PRKAR2B: variants seen among roughly 807,000 people sequenced by gnomAD.
PRKAR2B encodes cAMP-dependent protein kinase type II-beta regulatory subunit.
A neutral mutation model predicts 49.9 loss-of-function variants in PRKAR2B; 14 were observed. The observed-to-expected ratio is 0.28, with a 90% CI of 0.19 to 0.44. The LOEUF (loss-of-function observed/expected upper bound fraction) is 0.44, where lower values mean the gene tolerates loss of function less well. PRKAR2B is among the 20% of genes least tolerant of loss of function. The pLI, the probability that PRKAR2B is intolerant of heterozygous loss-of-function variation, is 1.00. For synonymous variants in PRKAR2B, 196 were observed against 197.7 expected (o/e 0.99, Z 0.07); for missense variants, 393 against 537.9 (o/e 0.73, Z 2.67).
intron 2 of PRKAR2B, among the ~76,000 whole-genome samples, chr7:107,098,276 T>C (rs1394210697): frequency 6.6e-6 from 1 of 152,228 alleles, no homozygotes; most frequent in African/African-American, 2.4e-5. Context: ...CAGTCACTGA[T>C]ACCCTTTCTT....
At chr7:107,111,659 A>G (rs1286844483) in intron 2 of PRKAR2B, among the ~76,000 whole-genome samples, 2 of 152,214 alleles carry the variant, frequency 1.3e-5, no homozygotes, top group Non-Finnish European at 2.9e-5. Context: ...TATCAGTAGT[A>G]TATATGAATA....
chr7:107,124,730 G>A (rs1379279133), intron 3 of PRKAR2B, among the ~76,000 whole-genome samples: 1 of 151,792 alleles, frequency 6.6e-6, no homozygotes, highest in East Asian at 1.9e-4. Flanking sequence ...GATATACAGT[G>A]TTCTTTAAAG....
In PRKAR2B at chr7:107,044,817, C is replaced by T; in HGVS notation, c.-91C>T. On this transcript the variant is annotated 5_prime_UTR_variant, in exon 1 of 11. Transcript: ENST00000265717. ...CTCGCAGCCGGTAGCGCGCCAGCGCCGTAGGCGCTCGCTCGGCAGCCGCGG... is the reference window on the plus strand; with the variant it reads ...CTCGCAGCCGGTAGCGCGCCAGCGCTGTAGGCGCTCGCTCGGCAGCCGCGG... 1 of 1,083,546 alleles carries T rather than the reference C, an allele frequency of 9.2e-7. No individual in the cohort carries two copies. The highest frequency in any genetic ancestry group is 1.2e-6 in the Non-Finnish European group (1 of 847,148). 67.1% of individuals were successfully genotyped at this position (1,083,546 alleles called of 1,614,324 possible). A position where few individuals can be genotyped will look rare whatever the true frequency, so the allele number is the denominator to read the frequency against.
At chr7:107,126,749 G>C (rs1795503210) in intron 3 of PRKAR2B, among the ~76,000 whole-genome samples, 3 of 151,762 alleles carry the variant, frequency 2.0e-5, no homozygotes, top group African/African-American at 7.3e-5. Flanking sequence ...GTAGGAGGAA[G>C]TGAAGTTTGG....
chr7:107,110,260 T>C (rs976294860), intron 2 of PRKAR2B, among the ~76,000 whole-genome samples: 2 of 152,116 alleles, frequency 1.3e-5, no homozygotes, highest in Admixed American at 6.5e-5. Context: ...ATCCCAACAG[T>C]TGGAAAGTTC....
chr7:107,131,505 A>G (rs1169166129), intron 4 of PRKAR2B, among the ~76,000 whole-genome samples: 1 of 152,228 alleles, frequency 6.6e-6, no homozygotes, highest in South Asian at 2.1e-4. Flanking sequence ...CTGAAGGTCA[A>G]TATGTATTTT....
At chr7:107,097,499 C>G (rs143512434) in intron 2 of PRKAR2B, among the ~76,000 whole-genome samples, 10 of 152,042 alleles carry the variant, frequency 6.6e-5, no homozygotes, top group African/African-American at 2.4e-4. Context: ...GAGCATTTAG[C>G]CCATTTACAT....
chr7:107,097,849 C>A (rs1794876532), intron 2 of PRKAR2B, among the ~76,000 whole-genome samples: 1 of 152,334 alleles, frequency 6.6e-6, no homozygotes, highest in Non-Finnish European at 1.5e-5. Flanking sequence ...CCATTCTCTT[C>A]TGGCTTGTAG....
Position 107,157,320 on chromosome 7 carries a change from T to C in PRKAR2B, c.1119T>C (p.Cys373=), listed in dbSNP as rs1315235629. 17 of 1,612,094 alleles carry C rather than the reference T, an allele frequency of 1.1e-5. No homozygotes were observed. The highest frequency in any genetic ancestry group is 8.5e-7 in the Non-Finnish European group (1 of 1,179,310). The change falls in exon 10 of 11, where the codon TGT becomes TGC. Residue 373 remains cysteine (C), a synonymous_variant. Coordinates refer to ENST00000265717, the MANE Select transcript of PRKAR2B (RefSeq NM_002736.3). ...ASAHAIGTVK[C]LAMDVQAFER... ...CCCACGCCATTGGGACTGTCAAATG[T>C]TTAGGTAGGGATTGCAACAGTGGGC...
In PRKAR2B at chr7:107,157,203, A is replaced by G. The variant is rs1469179420; in HGVS notation, c.1002A>G (p.Glu334=). ...TMKRKGKSEV[E]ENGAVEIARC... is the part of the protein sequence containing the mutation. ...CTTGTCAGGGTAAATCAGAAGTGGA[A>G]GAGAATGGTGCAGTAGAAATCGCTC... The change falls in exon 10 of 11, where the codon GAA becomes GAG. Residue 334 remains glutamate, a synonymous_variant. Coordinates refer to ENST00000265717, the MANE Select transcript of PRKAR2B (RefSeq NM_002736.3). 1.2e-6 allele frequency: 2 copies of G among 1,613,160 alleles called. No individual in the cohort carries two copies. Among genetic ancestry groups the G allele is most frequent in the Non-Finnish European group, 1.7e-6 (2 of 1,179,546 alleles).
chr7:107,064,442 G>A lies in PRKAR2B; in HGVS notation c.308-5839G>A, dbSNP rs1011675079. On this transcript the variant is annotated intron_variant, in intron 1 of 10. Coordinates refer to ENST00000265717, the MANE Select transcript of PRKAR2B (RefSeq NM_002736.3). Reference sequence around the variant, plus strand: ...TGCCCCACCTCCAGCCGTAATCCACGTGTCTGAGTGGGTTGGACACCTGAT... The same window carrying A: ...TGCCCCACCTCCAGCCGTAATCCACATGTCTGAGTGGGTTGGACACCTGAT... Among the ~76,000 whole-genome samples the A allele has an allele frequency of 1.1e-4, 17 of 152,142 alleles. No homozygotes were observed. In the South Asian group the frequency reaches 1.5e-3, roughly 13 times the overall value.
At chr7:107,105,023 C>A (rs1227496473) in intron 2 of PRKAR2B, among the ~76,000 whole-genome samples, 1 of 152,144 alleles carries the variant, frequency 6.6e-6, no homozygotes, top group Non-Finnish European at 1.5e-5. Flanking sequence ...ACTGACAGGG[C>A]CAGTTAGTAC....
At chr7:107,057,875 G>C (rs1426081352) in intron 1 of PRKAR2B, among the ~76,000 whole-genome samples, 1 of 152,158 alleles carries the variant, frequency 6.6e-6, no homozygotes, top group East Asian at 1.9e-4. Context: ...ATATAAGCTA[G>C]AGATTGCTCT....
At position 107,069,404 on chromosome 7, in the gene PRKAR2B, G is replaced by A. The variant is rs575686250; in HGVS notation, c.308-877G>A. Among the ~76,000 whole-genome samples, 3 of 152,242 alleles carry A rather than the reference G, an allele frequency of 2.0e-5. No homozygotes were observed. The South Asian group carries it at 6.2e-4, about 32-fold the overall frequency. The stretch of plus-strand genomic sequence containing the variant: ...TTACTTGACCTAGTGTTTCCATAGT[G>A]TAAACAAATTTCATAATTACTCTTC... On this transcript the variant is annotated intron_variant, in intron 1 of 10. Transcript: ENST00000265717.
At chr7:107,084,457 G>T (rs376904647) in intron 2 of PRKAR2B, among the ~76,000 whole-genome samples, 2 of 151,956 alleles carry the variant, frequency 1.3e-5, no homozygotes, top group African/African-American at 2.4e-5. Context: ...TATGTAAAGC[G>T]TAGTATTCAT....
At chr7:107,064,877 G>A (rs1794103445) in intron 1 of PRKAR2B, among the ~76,000 whole-genome samples, 1 of 152,166 alleles carries the variant, frequency 6.6e-6, no homozygotes, top group South Asian at 2.1e-4. Flanking sequence ...TGCAAGTTGT[G>A]TGTGTTAGGT....
chr7:107,146,442 C>G lies in PRKAR2B; in HGVS notation c.722C>G (p.Pro241Arg). Residue 241 changes from proline (P) to arginine (R), a missense_variant, in exon 6 of 11, where the codon CCT (proline) becomes CGT (arginine). Coordinates refer to ENST00000265717, the MANE Select transcript of PRKAR2B (RefSeq NM_002736.3). ...PRAATITATS[P>R]GALWGLDRVT... is the part of the protein sequence containing the mutation. ...GCAGCTACAATCACTGCTACCTCTC[C>G]TGGTGCTCTGTGGGGTTTGGTGAGT... 6.2e-7 allele frequency: 1 copy of G among 1,613,942 alleles called. No homozygotes were observed.
chr7:107,155,771 A>C (rs1377108663), intron 8 of PRKAR2B, among the ~76,000 whole-genome samples: 1 of 152,186 alleles, frequency 6.6e-6, no homozygotes, highest in Non-Finnish European at 1.5e-5. Flanking sequence ...TACCCAAAGG[A>C]ATATAAATCA....
rs1796191423 is a variant in PRKAR2B at position 107,161,185 on chromosome 7, A to G, written c.*1603A>G. The G allele has an allele frequency of 6.6e-6, 1 of 152,166 alleles. No homozygotes were observed. Among genetic ancestry groups the G allele is most frequent in the Non-Finnish European group, 1.5e-5 (1 of 68,012 alleles). 9.4% of individuals were successfully genotyped at this position (152,166 alleles called of 1,614,324 possible). A position where few individuals can be genotyped will look rare whatever the true frequency, so the allele number is the denominator to read the frequency against. On this transcript the variant is annotated 3_prime_UTR_variant, in exon 11 of 11. Coordinates refer to ENST00000265717, the MANE Select transcript of PRKAR2B (RefSeq NM_002736.3). Reference sequence around the variant, plus strand: ...AGAACACTGTTTAACATTTTTGCAAAACCTTCTTGTAGGAAAAGAGAGCTC... The same window carrying G: ...AGAACACTGTTTAACATTTTTGCAAGACCTTCTTGTAGGAAAAGAGAGCTC...
Sources: allele counts gnomAD v4.1 joint callset (sites outside exome capture counted in the v4.1 genomes callset), GRCh38; gene constraint gnomAD v4.1.1; transcripts MANE v1.5; gene names NCBI Gene and HGNC (gene_info 2026-07-23, HGNC 2026-07-21).